Variants in GRHL2 observed in about 807,000 individuals in gnomAD.
GRHL2 encodes the protein grainyhead like transcription factor 2.
GRHL2 carries 21 observed loss-of-function variants against 83.8 expected under a neutral mutation model. The ratio of observed to expected loss-of-function variants is 0.25; its 90% CI spans 0.18 to 0.36. The LOEUF is 0.36. GRHL2 is among the 10% of genes least tolerant of loss of function. GRHL2 has a pLI of 1.00. For missense variants in GRHL2, 623 were observed against 781.8 expected (o/e 0.80, Z 2.42); for synonymous variants, 280 against 278.9 (o/e 1.00, Z -0.04).
chr8:101,664,911 T>G (rs967524727), intron 15 of GRHL2, among the ~76,000 whole-genome samples: 6 of 152,116 alleles, frequency 3.9e-5, no homozygotes, highest in African/African-American at 1.4e-4. Context: ...GTTTGGAACA[T>G]AGGGGATTCC....
chr8:101,492,659 G>C lies in GRHL2; in HGVS notation c.-111G>C. On this transcript the variant is annotated 5_prime_UTR_variant, in exon 1 of 16. Coordinates refer to ENST00000646743, the MANE Select transcript of GRHL2 (RefSeq NM_024915.4). ...AAAAGCAGAATTACCTGTAGCTCTT[G>C]TTCTGCCATCTCGGGCGCTCTCACA... 1 of 868,996 alleles carries C rather than the reference G, an allele frequency of 1.2e-6. No homozygotes were observed. The highest frequency in any genetic ancestry group is 2.4e-5 in the East Asian group (1 of 41,684). 53.8% of individuals were successfully genotyped at this position (868,996 alleles called of 1,614,324 possible). A position where few individuals can be genotyped will look rare whatever the true frequency, so the allele number is the denominator to read the frequency against.
At chr8:101,545,568 G>C (rs1274196447) in intron 2 of GRHL2, among the ~76,000 whole-genome samples, 1 of 151,486 alleles carries the variant, frequency 6.6e-6, no homozygotes, top group Non-Finnish European at 1.5e-5. Flanking sequence ...TCTGATTGAG[G>C]ATCTCATCTG....
the GRHL2 span, among the ~76,000 whole-genome samples, chr8:101,677,819 C>T: frequency 6.6e-6 from 1 of 152,046 alleles, no homozygotes; most frequent in East Asian, 1.9e-4. Context: ...ACAGCAAGTG[C>T]CCAGGACCTA....
chr8:101,573,779 G>A lies in GRHL2; in HGVS notation c.846G>A (p.Glu282=), dbSNP rs750244679. Residue 282 remains glutamate (E), a synonymous_variant, in exon 6 of 16, where the codon GAG becomes GAA. Transcript: ENST00000646743. ...AGTTCTATGCCATAACACTCAGCGA[G>A]ACCGGAGACAACAAATGCTTCCGAC... ...KGQFYAITLS[E]TGDNKCFRHP... 1 of 1,614,164 alleles carries A rather than the reference G, an allele frequency of 6.2e-7. No homozygotes were observed. The highest frequency in any genetic ancestry group is 1.7e-5 in the Admixed American group (1 of 60,024).
At position 101,577,391 on chromosome 8, in the gene GRHL2, G is replaced by T; in HGVS notation, c.892-17G>T. 6.4e-7 allele frequency: 1 copy of T among 1,551,460 alleles called. No homozygotes were observed. Among genetic ancestry groups the T allele is most frequent in the Non-Finnish European group, 8.9e-7 (1 of 1,123,692 alleles). ...GCACTGAACAAAAAGTAAGCTCCACGATTCTCCCCTCTGCAGAGTGTGGTG... is the reference window on the plus strand; with the variant it reads ...GCACTGAACAAAAAGTAAGCTCCACTATTCTCCCCTCTGCAGAGTGTGGTG... On this transcript the variant is annotated splice_polypyrimidine_tract_variant and intron_variant, in intron 6 of 15. Coordinates refer to ENST00000646743, the MANE Select transcript of GRHL2 (RefSeq NM_024915.4).
intron 1 of GRHL2, among the ~76,000 whole-genome samples, chr8:101,514,841 T>C (rs1810536725): frequency 6.6e-6 from 1 of 152,238 alleles, no homozygotes; most frequent in South Asian, 2.1e-4. Context: ...TCCACTTCCA[T>C]GCTCACTTTT....
intron 5 of GRHL2, among the ~76,000 whole-genome samples, chr8:101,571,085 A>G (rs1811811396): frequency 6.6e-6 from 1 of 152,224 alleles, no homozygotes; most frequent in African/African-American, 2.4e-5. Context: ...CTTTTGGAGG[A>G]GACAAATGTG....
At position 101,625,158 on chromosome 8, in the gene GRHL2, T is replaced by C. The variant is rs547050093; in HGVS notation, c.1257+5461T>C. Among the ~76,000 whole-genome samples the C allele has an allele frequency of 9.1e-4, 139 of 152,032 alleles. 1 individual carries two copies. The highest frequency in any genetic ancestry group is 3.1e-3 in the African/African-American group (130 of 41,502). The stretch of plus-strand genomic sequence containing the variant: ...AGATATTCCAGGGGAGATTGTAGAA[T>C]CCCCCTCCATGAATCCCCTTCTTGG... On this transcript the variant is annotated intron_variant, in intron 9 of 15. Transcript: ENST00000646743.
chr8:101,648,333 C>T (rs1196939079), intron 13 of GRHL2, among the ~76,000 whole-genome samples: 1 of 152,160 alleles, frequency 6.6e-6, no homozygotes, highest in African/African-American at 2.4e-5. Flanking sequence ...ACTTCCCTAT[C>T]ATCTCTCATA....
At chr8:101,510,053 T>C (rs1430132886) in intron 1 of GRHL2, among the ~76,000 whole-genome samples, 1 of 152,182 alleles carries the variant, frequency 6.6e-6, no homozygotes, top group Non-Finnish European at 1.5e-5. Flanking sequence ...TGCAGTGGTG[T>C]GATTTCGGCT....
intron 1 of GRHL2, chr8:101,529,559 TG>T: frequency 4.1e-6 from 1 of 241,644 alleles, no homozygotes; most frequent in South Asian, 7.5e-5. Context: ...ACCACCGTCT[TG>T]GTCGCCATCT....
chr8:101,671,463 AG>A (rs1223630040), downstream of GRHL2, among the ~76,000 whole-genome samples: 2 of 144,878 alleles, frequency 1.4e-5, no homozygotes, highest in Non-Finnish European at 2.9e-5. Flanking sequence ...ATGCTGGGGG[AG>A]GGGCACCTGC....
At position 101,633,180 on chromosome 8, in the gene GRHL2, A is replaced by C. The variant is rs150076319; in HGVS notation, c.1485+815A>C. Among the ~76,000 whole-genome samples, 233 of 152,276 alleles carry C rather than the reference A, an allele frequency of 1.5e-3. 1 individual carries two copies. Among genetic ancestry groups the C allele is most frequent in the Non-Finnish European group, 8.5e-4 (58 of 67,994 alleles). On this transcript the variant is annotated intron_variant, in intron 11 of 15. Coordinates refer to ENST00000646743, the MANE Select transcript of GRHL2 (RefSeq NM_024915.4). ...GAGATATGGCTGATTTTTTCTTTTT[A>C]TTTTTAGTATTATTTCTGTTATGTG...
rs1423714828 is a variant in GRHL2, at chr8:101,511,239, T to G, written c.20+18450T>G. Among the ~76,000 whole-genome samples the G allele has an allele frequency of 2.0e-5, 3 of 152,196 alleles. No individual in the cohort carries two copies. In the East Asian group the frequency reaches 5.8e-4, roughly 29 times the overall value. On this transcript the variant is annotated intron_variant, in intron 1 of 15. Transcript: ENST00000646743. ...GTTGCATGATATTTCACATGAAGAA[T>G]ATACAAGTGACTAAAGGACAAATTC...
chr8:101,508,791 T>A (rs1299164943), intron 1 of GRHL2, among the ~76,000 whole-genome samples: 10 of 152,132 alleles, frequency 6.6e-5, no homozygotes, highest in African/African-American at 2.4e-4. Flanking sequence ...AGAGTGCCTA[T>A]AGCCAGACAC....
At chr8:101,601,840 G>A (rs759016654) in intron 8 of GRHL2, among the ~76,000 whole-genome samples, 6 of 152,202 alleles carry the variant, frequency 3.9e-5, no homozygotes, top group Admixed American at 2.6e-4. Context: ...AGTGCAGAAC[G>A]TGTAGGTTTG....
At chr8:101,534,451 C>T (rs1300853980) in intron 1 of GRHL2, among the ~76,000 whole-genome samples, 1 of 151,988 alleles carries the variant, frequency 6.6e-6, no homozygotes, top group African/African-American at 2.4e-5. Flanking sequence ...GAGAGACTTA[C>T]AAAGATGGAA....
At chr8:101,626,941 A>C (rs1341276357) in intron 9 of GRHL2, among the ~76,000 whole-genome samples, 2 of 152,078 alleles carry the variant, frequency 1.3e-5, no homozygotes, top group African/African-American at 2.4e-5. Context: ...TCTAGAAATA[A>C]GAATTGTGGT....
chr8:101,604,463 G>T (rs12678441), intron 8 of GRHL2, among the ~76,000 whole-genome samples: 77,416 of 151,978 alleles, frequency 0.51, 21,624 homozygotes, highest in African/African-American at 0.74. Flanking sequence ...TTCTCTGTTC[G>T]CAGTGATTTT....
Sources: gnomAD v4.1 joint callset for allele counts (sites outside exome capture counted in the v4.1 genomes callset) on GRCh38, gnomAD v4.1.1 for gene constraint, MANE v1.5 for transcripts, NCBI Gene and HGNC (gene_info 2026-07-23, HGNC 2026-07-21) for gene names.